Variants in IDS observed in about 807,000 individuals in gnomAD.
IDS encodes alpha-L-iduronate sulfate sulfatase.
Under a neutral mutation model 33.5 loss-of-function variants are expected in IDS, and 1 was observed. The ratio of observed to expected loss-of-function variants is 0.03; its 90% CI spans 0.01 to 0.14. The LOEUF (loss-of-function observed/expected upper bound fraction) is 0.14, where lower values mean the gene tolerates loss of function less well. IDS is among the 10% of genes least tolerant of loss of function. IDS has a pLI of 1.00. For synonymous variants in IDS, 191 were observed against 184.4 expected (o/e 1.04, Z -0.29); for missense variants, 328 against 448.0 (o/e 0.73, Z 2.42).
chrX:149,484,856 C>T (rs782803528), intron 8 of IDS, among the ~76,000 whole-genome samples: 1 of 112,025 alleles, frequency 8.9e-6, no homozygotes, highest in East Asian at 2.8e-4. Flanking sequence ...AAAAAGAAAA[C>T]AAGTAAAGAA....
intron 1 of IDS, 137 bp downstream of exon 1, chrX:149,504,898 G>T: frequency 2.1e-6 from 1 of 468,520 alleles, no homozygotes; most frequent in Non-Finnish European, 3.7e-6. Flanking sequence ...GGGAACGAAT[G>T]ATGGATGAAA....
At chrX:149,484,605 C>T (rs901779398) in intron 8 of IDS, among the ~76,000 whole-genome samples, 1 of 112,901 alleles carries the variant, frequency 8.9e-6, no homozygotes, top group Non-Finnish European at 1.9e-5. Flanking sequence ...CTGGCGTGAG[C>T]CACCACGCCC....
intron 3 of IDS, among the ~76,000 whole-genome samples, chrX:149,501,661 G>T (rs5936191): frequency 0.31 from 34,396 of 110,396 alleles, 4,359 homozygotes; most frequent in Middle Eastern, 0.41. Flanking sequence ...GGACTGGCAG[G>T]GAGGACTTCT....
intron 8 of IDS, among the ~76,000 whole-genome samples, chrX:149,483,546 T>C (rs2089310679): frequency 8.9e-6 from 1 of 111,807 alleles, no homozygotes; most frequent in South Asian, 3.7e-4. Context: ...TAAAAGAGTC[T>C]GTTGAGGAAC....
chrX:149,500,306 T>A (rs1301378798), intron 4 of IDS, among the ~76,000 whole-genome samples: 1 of 111,808 alleles, frequency 8.9e-6, no homozygotes, highest in Non-Finnish European at 1.9e-5. Flanking sequence ...GTCAAGAACT[T>A]AGAACAATAC....
At chrX:149,485,975 G>C (rs2089332578) in intron 8 of IDS, among the ~76,000 whole-genome samples, 1 of 112,227 alleles carries the variant, frequency 8.9e-6, no homozygotes, top group African/African-American at 3.2e-5. Flanking sequence ...TACAGTACAA[G>C]ATTTAGATGT....
chrX:149,498,816 C>A (rs1176465508), intron 4 of IDS, among the ~76,000 whole-genome samples: 1 of 112,375 alleles, frequency 8.9e-6, no homozygotes, highest in Non-Finnish European at 1.9e-5. Context: ...AAAATTAGAA[C>A]CCTCTCACAT....
At chrX:149,504,929 G>T (rs782402450) in intron 1 of IDS, 106 bp downstream of exon 1, 1 of 581,446 alleles carries the variant, frequency 1.7e-6, no homozygotes, top group Non-Finnish European at 2.9e-6. Context: ...TAGGAGAGAG[G>T]AAGGGTAAAA....
At chrX:149,493,888 T>C (rs1557339018) in intron 6 of IDS, among the ~76,000 whole-genome samples, 1 of 111,473 alleles carries the variant, frequency 9.0e-6, no homozygotes, top group East Asian at 2.8e-4. Context: ...TCCGATCCCC[T>C]ACCTCTGGCT....
intron 1 of IDS, among the ~76,000 whole-genome samples, chrX:149,504,504 T>C (rs1268184607): frequency 9.0e-6 from 1 of 110,868 alleles, no homozygotes; most frequent in Non-Finnish European, 1.9e-5. Flanking sequence ...GGTCATGGCC[T>C]CCAACCTGGG....
At chrX:149,486,124 C>T (rs2089333508) in intron 8 of IDS, among the ~76,000 whole-genome samples, 1 of 111,613 alleles carries the variant, frequency 9.0e-6, no homozygotes, top group Non-Finnish European at 1.9e-5. Context: ...ATGCACTGGG[C>T]AGATCAAGTC....
chrX:149,489,036 C>T (rs982037932), intron 7 of IDS, among the ~76,000 whole-genome samples: 1 of 111,397 alleles, frequency 9.0e-6, no homozygotes, highest in Non-Finnish European at 1.9e-5. Context: ...GGCTCCCAGG[C>T]GGTTCTGATG....
chrX:149,488,569 G>A (rs1431269716), intron 7 of IDS, among the ~76,000 whole-genome samples: 3 of 107,366 alleles, frequency 2.8e-5, no homozygotes, highest in Non-Finnish European at 5.8e-5. Context: ...CGCAGCCTTC[G>A]GCCTCTGCCA....
intron 6 of IDS, chrX:149,495,561 T>C (rs2089429791): frequency 9.1e-6 from 1 of 110,433 alleles, no homozygotes; most frequent in Non-Finnish European, 1.9e-5. Context: ...AGACTTTGCA[T>C]TTCCAACAAG....
intron 8 of IDS, among the ~76,000 whole-genome samples, chrX:149,486,427 G>A (rs2089336033): frequency 9.0e-6 from 1 of 111,488 alleles, no homozygotes; most frequent in African/African-American, 3.3e-5. Flanking sequence ...CACTGCTGGG[G>A]AGGGCAGAGT....
At chrX:149,483,446 T>C (rs2089310025) in intron 8 of IDS, among the ~76,000 whole-genome samples, 1 of 111,513 alleles carries the variant, frequency 9.0e-6, no homozygotes, top group Admixed American at 9.5e-5. Flanking sequence ...ACGAGGCTGT[T>C]GGCGCTTTTT....
chrX:149,490,391 T>C lies in IDS; in HGVS notation c.929A>G (p.Gln310Arg), dbSNP rs782210625. 1.3e-5 allele frequency: 16 copies of C among 1,210,399 alleles called. No homozygotes were observed. In the Admixed American group the frequency reaches 3.5e-4, roughly 26 times the overall value. The change falls in exon 7 of 9, where the codon CAG (glutamine) becomes CGG (arginine). Residue 310 changes from glutamine to arginine, a missense_variant. Gln to Arg is a conservative substitution (Grantham distance 43). Transcript: ENST00000340855. ...CAAAGCACTCAAGAGGCGGCCGACC[T>C]GTGTATCCAAATATGACACAGAGGC... ...YFASVSYLDTQVGRLLSALDD... is the reference protein window; with the variant it reads ...YFASVSYLDTRVGRLLSALDD...
intron 8 of IDS, among the ~76,000 whole-genome samples, chrX:149,484,399 G>T (rs1569560374): frequency 8.9e-6 from 1 of 112,372 alleles, no homozygotes; most frequent in East Asian, 2.8e-4. Flanking sequence ...TCAGCTCACT[G>T]CAACCTCCGT....
chrX:149,477,918 TCCA>T lies in IDS; in HGVS notation c.*4825_*4827del, dbSNP rs1557337029. On this transcript the variant is annotated 3_prime_UTR_variant, in exon 9 of 9. Transcript: ENST00000340855. Reference sequence around the variant, plus strand: ...GAGTGCAGTGGGGCTGATGGCAGGTTCCACCACAACGGGCTATGCCTAAGGCCC... The same window carrying T: ...GAGTGCAGTGGGGCTGATGGCAGGTTCCACAACGGGCTATGCCTAAGGCCC... The T allele has an allele frequency of 8.9e-6, 1 of 111,987 alleles. No individual in the cohort carries two copies. 9.2% of individuals were successfully genotyped at this position (111,987 alleles called of 1,213,427 possible).
Sources: allele counts gnomAD v4.1 joint callset (sites outside exome capture counted in the v4.1 genomes callset), GRCh38; gene constraint gnomAD v4.1.1; transcripts MANE v1.5; gene names NCBI Gene and HGNC (gene_info 2026-07-23, HGNC 2026-07-21).